KCNT1: variants seen among roughly 807,000 people sequenced by gnomAD.
The protein encoded by KCNT1 is potassium sodium-activated channel subfamily T member 1.
In KCNT1, 78 loss-of-function variants were observed where a neutral mutation model predicts 147.8. That is an observed-to-expected ratio of 0.53 (90% CI 0.44 to 0.64). The LOEUF is 0.64. Ranked by LOEUF, KCNT1 falls within the 30% of genes least tolerant of loss-of-function variation. The pLI, the probability that KCNT1 is intolerant of heterozygous loss-of-function variation, is 0.00. For missense variants in KCNT1, 1,419 were observed against 1,750.3 expected (o/e 0.81, Z 3.38); for synonymous variants, 867 against 748.8 (o/e 1.16, Z -2.58).
chr9:135,712,000 T>G (rs760301498), intron 1 of KCNT1, among the ~76,000 whole-genome samples: 3 of 152,192 alleles, frequency 2.0e-5, no homozygotes, highest in Non-Finnish European at 2.9e-5. Context: ...GGAGGTGAAG[T>G]GACTCGCCGG....
At chr9:135,704,628 C>T (rs966315576) in intron 1 of KCNT1, among the ~76,000 whole-genome samples, 5 of 152,208 alleles carry the variant, frequency 3.3e-5, no homozygotes, top group South Asian at 2.1e-4. Flanking sequence ...CAGCGCACTT[C>T]GCATCAGAGC....
chr9:135,777,037 CAT>C (rs1312459858), intron 20 of KCNT1, among the ~76,000 whole-genome samples: 1 of 152,246 alleles, frequency 6.6e-6, no homozygotes, highest in African/African-American at 2.4e-5. Flanking sequence ...TGTGCATACA[CAT>C]GACACGTATC....
chr9:135,767,679 G>C (rs1052561993), intron 13 of KCNT1, among the ~76,000 whole-genome samples: 1 of 152,062 alleles, frequency 6.6e-6, no homozygotes, highest in Non-Finnish European at 1.5e-5. Flanking sequence ...GTCTCCACCG[G>C]GCCTGCTCCT....
intron 2 of KCNT1, among the ~76,000 whole-genome samples, chr9:135,735,515 C>T (rs1195807373): frequency 1.3e-5 from 2 of 152,136 alleles, no homozygotes; most frequent in Admixed American, 1.3e-4. Flanking sequence ...CTAGTGAGGT[C>T]AGAAACCGTC....
At chr9:135,760,513 G>A (rs779965039) in intron 11 of KCNT1, among the ~76,000 whole-genome samples, 2 of 152,200 alleles carry the variant, frequency 1.3e-5, no homozygotes, top group Non-Finnish European at 2.9e-5. Context: ...TGGGTAGGAG[G>A]AAGAGCCTGA....
chr9:135,772,508 C>A (rs1207969458), intron 18 of KCNT1, among the ~76,000 whole-genome samples: 1 of 152,174 alleles, frequency 6.6e-6, no homozygotes, highest in Non-Finnish European at 1.5e-5. Context: ...CCTGGGTCTT[C>A]GCTCAACATC....
chr9:135,744,094 G>A (rs1035223034), intron 2 of KCNT1, among the ~76,000 whole-genome samples: 5 of 152,236 alleles, frequency 3.3e-5, no homozygotes, highest in South Asian at 2.1e-4. Flanking sequence ...CTCGGACCTC[G>A]GCCCCATGTG....
At chr9:135,786,625 T>C in intron 29 of KCNT1, 104 bp downstream of exon 29, 5 of 1,079,304 alleles carry the variant, frequency 4.6e-6, no homozygotes, top group African/African-American at 1.7e-5. Flanking sequence ...CGGGCCGTCC[T>C]CCTGTCTGTC....
Position 135,730,990 on chromosome 9 carries a change from T to TAAAAAAAAAAAAAAAAA in KCNT1, c.254+16277_254+16293dup, listed in dbSNP as rs56307359. 2.3e-5 allele frequency among the ~76,000 whole-genome samples: 2 copies of TAAAAAAAAAAAAAAAAA among 85,594 alleles called. No individual in the cohort carries two copies. The highest frequency in any genetic ancestry group is 1.4e-4 in the Admixed American group (1 of 7,070). The allele number at this position is 85,594 out of a possible 152,430, so 56.2% of individuals were successfully genotyped here. ...AACAAAGTGAGATCCCGTCTCAAGG[T>TAAAAAAAAAAAAAAAAA]AAAAAAAAAAAAAAAAAAAAAAAGT... On this transcript the variant is annotated intron_variant, in intron 2 of 30. Coordinates refer to ENST00000371757, the MANE Select transcript of KCNT1 (RefSeq NM_020822.3). The surrounding 1 kb of genome is among the most constrained non-coding windows in gnomAD (Gnocchi z 4.7).
At position 135,786,192 on chromosome 9, in the gene KCNT1, CCCA is replaced by C; in HGVS notation, c.3178-4_3178-2del. The C allele has an allele frequency of 1.3e-6, 2 of 1,508,552 alleles. No individual in the cohort carries two copies. Among genetic ancestry groups the C allele is most frequent in the Non-Finnish European group, 1.8e-6 (2 of 1,094,274 alleles). 93.4% of individuals were successfully genotyped at this position (1,508,552 alleles called of 1,614,324 possible). ...CCCCGCCCTGCCCTGCCCTGCCCTG[CCCA>C]GTCCCAGATCTCGGTGAACGTGGAG... On this transcript the variant is annotated splice_acceptor_variant and splice_polypyrimidine_tract_variant and intron_variant, in intron 28 of 30. Coordinates refer to ENST00000371757, the MANE Select transcript of KCNT1 (RefSeq NM_020822.3). LOFTEE classifies it high-confidence loss of function.
chr9:135,789,077 C>T (rs1834298638), intron 29 of KCNT1: 1 of 152,312 alleles, frequency 6.6e-6, no homozygotes, highest in Non-Finnish European at 1.5e-5. Flanking sequence ...CACGATGGCG[C>T]TCATGGAAGA....
chr9:135,774,888 C>G (rs532202173), intron 19 of KCNT1, among the ~76,000 whole-genome samples: 3 of 152,112 alleles, frequency 2.0e-5, no homozygotes, highest in Non-Finnish European at 4.4e-5. Context: ...CAGTGAGGGC[C>G]CTACCCACCC....
intron 4 of KCNT1, 21 bp downstream of exon 4, chr9:135,751,062 G>A (rs1831134101): frequency 3.1e-6 from 5 of 1,601,128 alleles, no homozygotes; most frequent in Non-Finnish European, 4.3e-6. Context: ...TGCGCGGCCG[G>A]GCGCGGGGTC....
At chr9:135,783,879 C>A in intron 24 of KCNT1, 145 bp from the exon 25 acceptor site, 1 of 658,722 alleles carries the variant, frequency 1.5e-6, no homozygotes, top group Non-Finnish European at 2.7e-6. Flanking sequence ...ACTGTGTACA[C>A]GTGGACACAC....
chr9:135,714,877 G>C lies in KCNT1; in HGVS notation c.254+157G>C, dbSNP rs550443616. Among the ~76,000 whole-genome samples, 17 of 152,292 alleles carry C rather than the reference G, an allele frequency of 1.1e-4. No homozygotes were observed. The highest frequency in any genetic ancestry group is 3.4e-4 in the African/African-American group (14 of 41,580). On this transcript the variant is annotated intron_variant, in intron 2 of 30. Coordinates refer to ENST00000371757, the MANE Select transcript of KCNT1 (RefSeq NM_020822.3). The surrounding 1 kb of genome is among the most constrained non-coding windows in gnomAD (Gnocchi z 6.2). Reference sequence around the variant, plus strand: ...TTCTGGGGACGCAGAAGTTTCGGAGGGGGTGCGGGCAGGGGGAAGCATCTT... The same window carrying C: ...TTCTGGGGACGCAGAAGTTTCGGAGCGGGTGCGGGCAGGGGGAAGCATCTT...
chr9:135,712,050 T>C (rs1438262484), intron 1 of KCNT1, among the ~76,000 whole-genome samples: 3 of 152,182 alleles, frequency 2.0e-5, no homozygotes, highest in Non-Finnish European at 4.4e-5. Flanking sequence ...ACTGAACTCA[T>C]GCCAGCGGGA....
rs1834575727 is a variant in KCNT1 at position 135,792,021 on chromosome 9, T to C, written c.3588-20T>C. 10 of 1,602,712 alleles carry C rather than the reference T, an allele frequency of 6.2e-6. No homozygotes were observed. The highest frequency in any genetic ancestry group is 1.7e-5 in the Admixed American group (1 of 59,836). Reference sequence around the variant, plus strand: ...TGCCCGGCCCACATCCACTCCAGGGTCCTCTGTGCCCTCCCGCAGCTATCT... The same window carrying C: ...TGCCCGGCCCACATCCACTCCAGGGCCCTCTGTGCCCTCCCGCAGCTATCT... On this transcript the variant is annotated intron_variant, in intron 30 of 30. Transcript: ENST00000371757.
In KCNT1 at chr9:135,714,396, C is replaced by G. The variant is rs1247379642; in HGVS notation, c.111-181C>G. The G allele has an allele frequency of 6.0e-6, 1 of 166,770 alleles. No homozygotes were observed. The highest frequency in any genetic ancestry group is 2.4e-5 in the African/African-American group (1 of 41,328). 10.3% of individuals were successfully genotyped at this position (166,770 alleles called of 1,614,324 possible). On this transcript the variant is annotated intron_variant, in intron 1 of 30. Coordinates refer to ENST00000371757, the MANE Select transcript of KCNT1 (RefSeq NM_020822.3). The surrounding 1 kb of genome is among the most constrained non-coding windows in gnomAD (Gnocchi z 6.2). Reference sequence around the variant, plus strand: ...CGCCCTAGCCCCAGCCCGGCGCAGCCGGTCCCGCGCGCCCCCGCCCGCATG... The same window carrying G: ...CGCCCTAGCCCCAGCCCGGCGCAGCGGGTCCCGCGCGCCCCCGCCCGCATG...
chr9:135,712,063 C>G (rs896954964), intron 1 of KCNT1, among the ~76,000 whole-genome samples: 2 of 152,218 alleles, frequency 1.3e-5, no homozygotes, highest in Non-Finnish European at 2.9e-5. Context: ...CAGCGGGACT[C>G]TTGCCACTCT....
Sources: allele counts gnomAD v4.1 joint callset (sites outside exome capture counted in the v4.1 genomes callset), GRCh38; gene constraint gnomAD v4.1.1; non-coding constraint Gnocchi (gnomAD v3.1); transcripts MANE v1.5; gene names NCBI Gene and HGNC (gene_info 2026-07-23, HGNC 2026-07-21).